Variants in ZDHHC17 observed in about 807,000 individuals in gnomAD.
ZDHHC17 encodes the protein palmitoyltransferase ZDHHC17.
A neutral mutation model predicts 90.3 loss-of-function variants in ZDHHC17; 40 were observed. The observed-to-expected ratio is 0.44, with a 90% confidence interval of 0.34 to 0.58. ZDHHC17 has a LOEUF of 0.58. ZDHHC17 is among the 20% of genes least tolerant of loss of function. ZDHHC17 has a pLI of 0.01. For missense variants in ZDHHC17, 614 were observed against 780.8 expected (o/e 0.79, Z 2.55); for synonymous variants, 235 against 252.4 (o/e 0.93, Z 0.65).
At chr12:76,801,589 G>C (rs370407864) in intron 2 of ZDHHC17, among the ~76,000 whole-genome samples, 13 of 152,002 alleles carry the variant, frequency 8.6e-5, no homozygotes, top group Non-Finnish European at 1.5e-4. Flanking sequence ...GGGAGGCGGA[G>C]CTTGCAGTGA....
Position 76,851,439 on chromosome 12 carries a change from AGTT to A in ZDHHC17, c.*455_*457del, listed in dbSNP as rs2137812622. On this transcript the variant is annotated 3_prime_UTR_variant, in exon 17 of 17. Coordinates refer to ENST00000426126, the MANE Select transcript of ZDHHC17 (RefSeq NM_015336.4). The stretch of plus-strand genomic sequence containing the variant: ...GAGCATTGTTTTAAGTTGATTGACT[AGTT>A]ATTATGTACATTTCAGAATGTACAC... 1 of 168,466 alleles carries A rather than the reference AGTT, an allele frequency of 5.9e-6. No individual in the cohort carries two copies. Among genetic ancestry groups the A allele is most frequent in the African/African-American group, 2.4e-5 (1 of 41,626 alleles). The allele number at this position is 168,466 out of a possible 1,614,324, so 10.4% of individuals were successfully genotyped here. A position where few individuals can be genotyped will look rare whatever the true frequency, so the allele number is the denominator to read the frequency against.
At chr12:76,832,613 T>G (rs1405097008) in intron 10 of ZDHHC17, among the ~76,000 whole-genome samples, 2 of 152,226 alleles carry the variant, frequency 1.3e-5, no homozygotes, top group African/African-American at 4.8e-5. Context: ...TTCATTAATA[T>G]TGAACTTATG....
intron 16 of ZDHHC17, among the ~76,000 whole-genome samples, chr12:76,849,977 G>T (rs1013118720): frequency 2.0e-5 from 3 of 152,060 alleles, no homozygotes; most frequent in Non-Finnish European, 2.9e-5. Flanking sequence ...CTGGAGTGCA[G>T]TGGCATGATC....
intron 1 of ZDHHC17, among the ~76,000 whole-genome samples, chr12:76,774,505 G>C (rs1449395127): frequency 6.6e-6 from 1 of 152,098 alleles, no homozygotes; most frequent in East Asian, 1.9e-4. Flanking sequence ...GGTGTCTCAA[G>C]TTTAAACATT....
intron 1 of ZDHHC17, chr12:76,764,858 T>C (rs1952413624): frequency 2.2e-6 from 1 of 456,052 alleles, no homozygotes; most frequent in Admixed American, 2.3e-5. Flanking sequence ...CGGGCGTCCT[T>C]TTTTGAGCAT....
chr12:76,802,525 T>A (rs1033817556), intron 2 of ZDHHC17, among the ~76,000 whole-genome samples: 1 of 152,054 alleles, frequency 6.6e-6, no homozygotes, highest in African/African-American at 2.4e-5. Context: ...TGTCCCTTTC[T>A]CTCTCTCTCT....
At chr12:76,821,086 A>G (rs1210344540) in intron 7 of ZDHHC17, 2 of 1,289,246 alleles carry the variant, frequency 1.6e-6, no homozygotes, top group East Asian at 5.6e-5. Context: ...ATGGCCCTCT[A>G]GTGGAAGGGA....
intron 1 of ZDHHC17, chr12:76,781,658 C>T (rs187929799): frequency 2.2e-6 from 1 of 456,054 alleles, no homozygotes; most frequent in East Asian, 6.9e-5. Context: ...GGCCCCTTCA[C>T]CTTGGACTAC....
intron 2 of ZDHHC17, among the ~76,000 whole-genome samples, chr12:76,803,429 C>T (rs558973747): frequency 6.6e-6 from 1 of 152,112 alleles, no homozygotes; most frequent in Non-Finnish European, 1.5e-5. Context: ...AGGCAAGGGG[C>T]AGAGTTCAGT....
intron 1 of ZDHHC17, among the ~76,000 whole-genome samples, chr12:76,773,128 G>A (rs11115319): frequency 0.013 from 1,934 of 152,264 alleles, 22 homozygotes; most frequent in South Asian, 0.031. Flanking sequence ...AAAGTACTGG[G>A]CTTACAGGTG....
intron 10 of ZDHHC17, among the ~76,000 whole-genome samples, chr12:76,829,142 T>C (rs1953266302): frequency 6.6e-6 from 1 of 152,094 alleles, no homozygotes; most frequent in Non-Finnish European, 1.5e-5. Context: ...GAAAACAGTA[T>C]GGCGATTTCT....
chr12:76,846,770 G>A (rs1195283370), intron 14 of ZDHHC17, 91 bp downstream of exon 14: 2 of 1,179,180 alleles, frequency 1.7e-6, no homozygotes, highest in Non-Finnish European at 1.2e-6. Flanking sequence ...TAATGACAAA[G>A]GTCGTTTAAC....
chr12:76,794,305 A>G (rs896257163), intron 1 of ZDHHC17, among the ~76,000 whole-genome samples: 1 of 152,326 alleles, frequency 6.6e-6, no homozygotes, highest in Middle Eastern at 3.4e-3. Context: ...GCTTATTTAT[A>G]TGAACATGTT....
At chr12:76,811,473 T>C (rs1953020296) in intron 5 of ZDHHC17, among the ~76,000 whole-genome samples, 1 of 152,142 alleles carries the variant, frequency 6.6e-6, no homozygotes. Flanking sequence ...GGAGTTTGGA[T>C]TATTTCATTA....
In ZDHHC17 at chr12:76,820,471, T is replaced by C. The variant is rs1028891693; in HGVS notation, c.772-1935T>C. ...CTGATAAATTTAGATGAATTGAGTT[T>C]GGAAGGAACAGTTAATCTCTGAGTG... On this transcript the variant is annotated intron_variant, in intron 7 of 16. Coordinates refer to ENST00000426126, the MANE Select transcript of ZDHHC17 (RefSeq NM_015336.4). 5.3e-5 allele frequency among the ~76,000 whole-genome samples: 8 copies of C among 152,312 alleles called. No homozygotes were observed. The South Asian group carries it at 1.0e-3, about 20-fold the overall frequency.
chr12:76,827,199 T>A (rs898477038), intron 9 of ZDHHC17, 149 bp downstream of exon 9: 5 of 935,738 alleles, frequency 5.3e-6, no homozygotes, highest in African/African-American at 3.5e-5. Context: ...TGAGATTTTT[T>A]AAACATTGTT....
intron 1 of ZDHHC17, among the ~76,000 whole-genome samples, chr12:76,768,182 A>G (rs1952452652): frequency 6.6e-6 from 1 of 152,200 alleles, no homozygotes; most frequent in Non-Finnish European, 1.5e-5. Context: ...TTTTCTTTTG[A>G]AATAGGTGAT....
At position 76,810,220 on chromosome 12, in the gene ZDHHC17, A is replaced by C. The variant is rs577381438; in HGVS notation, c.543+363A>C. On this transcript the variant is annotated intron_variant, in intron 5 of 16. Transcript: ENST00000426126. ...TTATTGGTTATTTTATATATTAAATATCTCTTGAGAGGGATACATTTTTTA... is the reference window on the plus strand; with the variant it reads ...TTATTGGTTATTTTATATATTAAATCTCTCTTGAGAGGGATACATTTTTTA... Among the ~76,000 whole-genome samples, 3 of 152,150 alleles carry C rather than the reference A, an allele frequency of 2.0e-5. No individual in the cohort carries two copies. The South Asian group carries it at 6.2e-4, about 31-fold the overall frequency.
rs1953235550 is a variant in ZDHHC17 at position 76,826,784 on chromosome 12, T to C, written c.898-124T>C. The C allele has an allele frequency of 3.1e-5, 29 of 939,442 alleles. 1 individual carries two copies. In the South Asian group the frequency reaches 5.8e-4, roughly 19 times the overall value. The allele number at this position is 939,442 out of a possible 1,614,324, so 58.2% of individuals were successfully genotyped here. Reference sequence around the variant, plus strand: ...CAGCACCTTGAATAGTACTGATACATAGCATGCAAATTTGAGTGAATGAAT... The same window carrying C: ...CAGCACCTTGAATAGTACTGATACACAGCATGCAAATTTGAGTGAATGAAT... On this transcript the variant is annotated intron_variant, in intron 8 of 16. Transcript: ENST00000426126.
Sources: gnomAD v4.1 joint callset for allele counts (sites outside exome capture counted in the v4.1 genomes callset) on GRCh38, gnomAD v4.1.1 for gene constraint, MANE v1.5 for transcripts, NCBI Gene and HGNC (gene_info 2026-07-23, HGNC 2026-07-21) for gene names.